Variants in SIRPA observed in about 807,000 individuals in gnomAD.
SIRPA encodes tyrosine-protein phosphatase non-receptor type substrate 1.
In SIRPA, 9 loss-of-function variants were observed where a neutral mutation model predicts 50.3. That is an observed-to-expected ratio of 0.18 (90% CI 0.11 to 0.31). The LOEUF is 0.31. Among genes scored for constraint, SIRPA ranks in the 10% least tolerant of loss-of-function variants. The pLI is 1.00. For missense variants in SIRPA, 474 were observed against 661.6 expected, an observed-to-expected ratio of 0.72 and a Z score of 3.11; for synonymous variants, 265 against 284.1, an observed-to-expected ratio of 0.93 and a Z score of 0.68.
At chr20:1,909,790 A>G (rs1236437974) in intron 1 of SIRPA, among the ~76,000 whole-genome samples, 1 of 152,260 alleles carries the variant, frequency 6.6e-6, no homozygotes, top group African/African-American at 2.4e-5. Flanking sequence ...CTCAAAAGAA[A>G]AAAAAAGTAT....
At position 1,928,962 on chromosome 20, in the gene SIRPA, A is replaced by G. The variant is rs546725572; in HGVS notation, c.1226+1063A>G. ...TCATCTGCCATGTGAACCCATCTGCATAGAACCATGTGGACATCCGTGCTA... is the reference window on the plus strand; with the variant it reads ...TCATCTGCCATGTGAACCCATCTGCGTAGAACCATGTGGACATCCGTGCTA... On this transcript the variant is annotated intron_variant, in intron 6 of 7. Coordinates refer to ENST00000358771, the MANE Select transcript of SIRPA (RefSeq NM_001040023.2). This position sits in a 1 kb window ranked among gnomAD's most constrained non-coding sequence, Gnocchi z 4.9. 2.0e-5 allele frequency among the ~76,000 whole-genome samples: 3 copies of G among 152,338 alleles called. No individual in the cohort carries two copies. Among genetic ancestry groups the G allele is most frequent in the African/African-American group, 7.2e-5 (3 of 41,566 alleles).
intron 1 of SIRPA, among the ~76,000 whole-genome samples, chr20:1,895,729 T>C (rs1326047925): frequency 6.6e-6 from 1 of 152,112 alleles, no homozygotes; most frequent in Admixed American, 6.5e-5. Context: ...AGAACCCAAG[T>C]CTCTTCTATG....
In SIRPA at chr20:1,895,539, C is replaced by A. The variant is rs989697705; in HGVS notation, c.79+13C>A. The A allele has an allele frequency of 4.9e-6, 7 of 1,431,782 alleles. No individual in the cohort carries two copies. The African/African-American group carries it at 1.0e-4, about 21-fold the overall frequency. 88.7% of individuals were successfully genotyped at this position (1,431,782 alleles called of 1,614,324 possible). On this transcript the variant is annotated intron_variant, in intron 1 of 7. Transcript: ENST00000358771. Reference sequence around the variant, plus strand: ...TGCGCCTGGTCAGGTAAGCACCCCCCCGCTCCCCACCGCTGCACTCCCCAA... The same window carrying A: ...TGCGCCTGGTCAGGTAAGCACCCCCACGCTCCCCACCGCTGCACTCCCCAA...
At chr20:1,894,459 G>C (rs1006302568), upstream of SIRPA, 1 of 152,186 alleles carries the variant, frequency 6.6e-6, no homozygotes, top group Non-Finnish European at 1.5e-5. This position sits in a 1 kb window ranked among gnomAD's most constrained non-coding sequence, Gnocchi z 4.0. Flanking sequence ...GCGGGGACCC[G>C]GCCTCTGGGC....
At chr20:1,902,025 G>A (rs1984245169) in intron 1 of SIRPA, among the ~76,000 whole-genome samples, 1 of 152,208 alleles carries the variant, frequency 6.6e-6, no homozygotes, top group African/African-American at 2.4e-5. Context: ...CTCGGCACAG[G>A]CTGAGCCTTG....
At position 1,933,631 on chromosome 20, in the gene SIRPA, C is replaced by T. The variant is rs1464704036; in HGVS notation, c.1227-1084C>T. 6.6e-6 allele frequency among the ~76,000 whole-genome samples: 1 copy of T among 152,168 alleles called. No homozygotes were observed. The highest frequency in any genetic ancestry group is 2.4e-5 in the African/African-American group (1 of 41,438). On this transcript the variant is annotated intron_variant, in intron 6 of 7. Coordinates refer to ENST00000358771, the MANE Select transcript of SIRPA (RefSeq NM_001040023.2). This position sits in a 1 kb window ranked among gnomAD's most constrained non-coding sequence, Gnocchi z 4.4. Reference sequence around the variant, plus strand: ...TGCCCCTGCTCCTGGAGGGTTCTTTCTGTGGCCACGTGGGGCTTGTCATGT... The same window carrying T: ...TGCCCCTGCTCCTGGAGGGTTCTTTTTGTGGCCACGTGGGGCTTGTCATGT...
At chr20:1,905,929 A>G (rs1287934156) in intron 1 of SIRPA, among the ~76,000 whole-genome samples, 1 of 152,186 alleles carries the variant, frequency 6.6e-6, no homozygotes, top group South Asian at 2.1e-4. Flanking sequence ...TTACAGGCCC[A>G]TGCCAGAGGG....
intron 6 of SIRPA, among the ~76,000 whole-genome samples, chr20:1,930,106 A>G (rs1986215338): frequency 6.6e-6 from 1 of 152,132 alleles, no homozygotes; most frequent in Admixed American, 6.5e-5. Flanking sequence ...GGTGGCAGGC[A>G]CAGTGGGCTC....
chr20:1,916,106 C>T (rs879944792), intron 2 of SIRPA, among the ~76,000 whole-genome samples: 10 of 152,308 alleles, frequency 6.6e-5, no homozygotes, highest in East Asian at 3.9e-4. Context: ...CTGATTCATG[C>T]GTCACTAAAG....
intron 1 of SIRPA, among the ~76,000 whole-genome samples, chr20:1,914,888 T>G (rs1395547165): frequency 6.6e-6 from 1 of 152,134 alleles, no homozygotes; most frequent in Non-Finnish European, 1.5e-5. Flanking sequence ...GCCATGTCAT[T>G]TAGCTTTCTG....
At chr20:1,896,245 T>A (rs1983809829) in intron 1 of SIRPA, among the ~76,000 whole-genome samples, 1 of 152,198 alleles carries the variant, frequency 6.6e-6, no homozygotes, top group South Asian at 2.1e-4. Context: ...TCCAGGCAGC[T>A]CCCTGCAGTT....
rs1382429607 is a variant in SIRPA at position 1,936,533 on chromosome 20, A to G, written c.1267-787A>G. 6.6e-6 allele frequency among the ~76,000 whole-genome samples: 1 copy of G among 152,154 alleles called. No homozygotes were observed. The highest frequency in any genetic ancestry group is 1.5e-5 in the Non-Finnish European group (1 of 68,022). Reference sequence around the variant, plus strand: ...CAAACCCAGGCTTTCTGACTCCAGAACGTTTCCCGCTTCACTAACTGGCGA... The same window carrying G: ...CAAACCCAGGCTTTCTGACTCCAGAGCGTTTCCCGCTTCACTAACTGGCGA... On this transcript the variant is annotated intron_variant, in intron 7 of 7. Coordinates refer to ENST00000358771, the MANE Select transcript of SIRPA (RefSeq NM_001040023.2). The surrounding 1 kb of genome is among the most constrained non-coding windows in gnomAD (Gnocchi z 4.2).
At chr20:1,920,935 C>T (rs566345014) in intron 2 of SIRPA, among the ~76,000 whole-genome samples, 40 of 152,382 alleles carry the variant, frequency 2.6e-4, no homozygotes, top group African/African-American at 8.4e-4. Context: ...GGCCGCCCCT[C>T]TCATGGGCTG....
intron 7 of SIRPA, among the ~76,000 whole-genome samples, chr20:1,935,391 C>G (rs1007019676): frequency 6.6e-6 from 1 of 152,218 alleles, no homozygotes; most frequent in Non-Finnish European, 1.5e-5. Context: ...ACAAGACAGG[C>G]CCTGCTCTGA....
chr20:1,899,784 A>G (rs1316302888), intron 1 of SIRPA, among the ~76,000 whole-genome samples: 1 of 152,224 alleles, frequency 6.6e-6, no homozygotes, highest in Non-Finnish European at 1.5e-5. Flanking sequence ...GACAATTTGC[A>G]GGAATCTGTG....
At chr20:1,925,105 C>T (rs1218018493) in intron 5 of SIRPA, among the ~76,000 whole-genome samples, 5 of 152,126 alleles carry the variant, frequency 3.3e-5, no homozygotes, top group Non-Finnish European at 7.4e-5. Context: ...CCCCAGGCCC[C>T]GTGTCCTCAA....
intron 3 of SIRPA, 143 bp downstream of exon 3, chr20:1,921,855 T>G (rs1215261023): frequency 4.3e-6 from 3 of 693,454 alleles, no homozygotes; most frequent in Non-Finnish European, 4.9e-6. Context: ...CCCATGCCCC[T>G]AGATGTGCCA....
At chr20:1,899,278 C>T (rs376820660) in intron 1 of SIRPA, among the ~76,000 whole-genome samples, 1 of 152,006 alleles carries the variant, frequency 6.6e-6, no homozygotes, top group Non-Finnish European at 1.5e-5. Flanking sequence ...TGATTTCCAG[C>T]CACATGTTTT....
At chr20:1,907,911 C>T (rs1266798324) in intron 1 of SIRPA, among the ~76,000 whole-genome samples, 3 of 152,176 alleles carry the variant, frequency 2.0e-5, no homozygotes, top group Non-Finnish European at 2.9e-5. Context: ...GGTGCAGCCC[C>T]GGCCATGAAT....
Sources: allele counts gnomAD v4.1 joint callset (sites outside exome capture counted in the v4.1 genomes callset), GRCh38; gene constraint gnomAD v4.1.1; non-coding constraint Gnocchi (gnomAD v3.1); transcripts MANE v1.5; gene names NCBI Gene and HGNC (gene_info 2026-07-23, HGNC 2026-07-21).